SPOCK3: variants seen among roughly 807,000 people sequenced by gnomAD.
SPOCK3 encodes the protein testican-3.
In SPOCK3, 30 loss-of-function variants were observed where a neutral mutation model predicts 56.6. The ratio of observed to expected loss-of-function variants is 0.53; its 90% CI spans 0.40 to 0.72. SPOCK3 has a LOEUF of 0.72. SPOCK3 is among the 30% of genes least tolerant of loss of function. The probability of loss-of-function intolerance (pLI) is 0.00; values close to 1 mark genes in which losing one functional copy is unlikely to be tolerated. For missense variants in SPOCK3, 527 were observed against 530.0 expected, an observed-to-expected ratio of 0.99 and a Z score of 0.06; for synonymous variants, 196 against 183.3, an observed-to-expected ratio of 1.07 and a Z score of -0.56.
chr4:167,039,497 GTA>G (rs1340970202), intron 3 of SPOCK3, among the ~76,000 whole-genome samples: 2 of 152,088 alleles, frequency 1.3e-5, no homozygotes, highest in African/African-American at 4.8e-5. Context: ...TTATATATGT[GTA>G]TGTGTGTGTG....
intron 2 of SPOCK3, among the ~76,000 whole-genome samples, chr4:167,109,302 A>C (rs1244799688): frequency 1.1e-5 from 1 of 87,372 alleles, no homozygotes; most frequent in Non-Finnish European, 2.0e-5. Flanking sequence ...ATAAATAATA[A>C]TTATTAATAT....
chr4:166,801,465 T>G (rs1424339313), intron 6 of SPOCK3, among the ~76,000 whole-genome samples: 1 of 151,680 alleles, frequency 6.6e-6, no homozygotes, highest in Non-Finnish European at 1.5e-5. Flanking sequence ...ACAATAAATA[T>G]TGTGTCAAGA....
intron 4 of SPOCK3, among the ~76,000 whole-genome samples, chr4:166,925,136 G>T (rs1006622943): frequency 6.6e-6 from 1 of 152,030 alleles, no homozygotes; most frequent in African/African-American, 2.4e-5. Context: ...TATAGAACAG[G>T]CAATACATAA....
chr4:166,746,594 C>A (rs1051698243), intron 8 of SPOCK3, among the ~76,000 whole-genome samples: 2 of 152,090 alleles, frequency 1.3e-5, no homozygotes, highest in Non-Finnish European at 2.9e-5. Flanking sequence ...CAAGAGCAAA[C>A]ACATTCAAAA....
chr4:167,185,636 C>T (rs971567494), intron 2 of SPOCK3, among the ~76,000 whole-genome samples: 51 of 152,154 alleles, frequency 3.4e-4, no homozygotes, highest in African/African-American at 1.2e-3. Context: ...AAAATACAGT[C>T]GTCGGTGAAG....
Position 167,110,169 on chromosome 4 carries a change from T to A in SPOCK3, c.190-47632A>T, listed in dbSNP as rs186425405. On this transcript the variant is annotated intron_variant, in intron 2 of 10. Coordinates refer to ENST00000357545, the MANE Select transcript of SPOCK3 (RefSeq NM_001040159.2). The stretch of plus-strand genomic sequence containing the variant: ...ATCGTTTGTGATCTCTCATCTCAAG[T>A]GGGAGCTTAATGGTACCCAACACCC... 2.0e-5 allele frequency among the ~76,000 whole-genome samples: 3 copies of A among 152,148 alleles called. No individual in the cohort carries two copies. The East Asian group carries it at 5.8e-4, about 29-fold the overall frequency.
intron 4 of SPOCK3, among the ~76,000 whole-genome samples, chr4:166,974,169 A>G (rs1019071240): frequency 2.6e-5 from 4 of 152,180 alleles, no homozygotes; most frequent in Non-Finnish European, 5.9e-5. Context: ...AAATTTTTAA[A>G]TAGGTAAGAT....
At chr4:166,900,167 T>C (rs1473868253) in intron 5 of SPOCK3, among the ~76,000 whole-genome samples, 1 of 152,192 alleles carries the variant, frequency 6.6e-6, no homozygotes, top group Non-Finnish European at 1.5e-5. Flanking sequence ...TCTGACAGCA[T>C]CACTGTACCG....
chr4:166,958,373 CT>C (rs892097813), intron 4 of SPOCK3, among the ~76,000 whole-genome samples: 3 of 152,142 alleles, frequency 2.0e-5, no homozygotes, highest in Non-Finnish European at 4.4e-5. Context: ...GCCAATTAAC[CT>C]TTTTTTCTTA....
intron 4 of SPOCK3, among the ~76,000 whole-genome samples, chr4:166,962,044 C>G (rs1744200333): frequency 6.6e-6 from 1 of 152,120 alleles, no homozygotes; most frequent in Admixed American, 6.5e-5. Flanking sequence ...TGTCCCCCTT[C>G]CTTCTTCAAA....
At position 166,807,905 on chromosome 4, in the gene SPOCK3, C is replaced by T. The variant is rs557569672; in HGVS notation, c.590-15616G>A. 2.7e-4 allele frequency among the ~76,000 whole-genome samples: 41 copies of T among 152,220 alleles called. No individual in the cohort carries two copies. The South Asian group carries it at 8.3e-3, about 31-fold the overall frequency. On this transcript the variant is annotated intron_variant, in intron 6 of 10. Transcript: ENST00000357545. ...TTTCTTGAGATTTTTCTTCTCTATA[C>T]TAGTTTTGATAGCATGTCAATGACA... is the stretch of plus-strand genomic sequence containing the variant.
intron 4 of SPOCK3, among the ~76,000 whole-genome samples, chr4:166,986,399 C>T (rs576695352): frequency 1.3e-5 from 2 of 152,178 alleles, no homozygotes; most frequent in East Asian, 3.9e-4. Context: ...TGATGGGACT[C>T]CCAATGATAT....
intron 3 of SPOCK3, among the ~76,000 whole-genome samples, chr4:167,009,921 T>A (rs2703845): frequency 6.6e-6 from 1 of 151,960 alleles, no homozygotes; most frequent in African/African-American, 2.4e-5. Flanking sequence ...TAAAACAGAC[T>A]TTCTAGAAAT....
chr4:167,056,124 G>A (rs1754820871), intron 3 of SPOCK3, among the ~76,000 whole-genome samples: 1 of 152,184 alleles, frequency 6.6e-6, no homozygotes, highest in East Asian at 1.9e-4. Context: ...GGAACGATCA[G>A]ACAGCAGCAT....
chr4:166,882,369 C>T (rs1733769184), intron 6 of SPOCK3, among the ~76,000 whole-genome samples: 1 of 152,168 alleles, frequency 6.6e-6, no homozygotes, highest in Admixed American at 6.6e-5. Flanking sequence ...TTTCTGATTT[C>T]ATCTTCTGGC....
chr4:167,051,877 T>C (rs1754240558), intron 3 of SPOCK3, among the ~76,000 whole-genome samples: 1 of 152,216 alleles, frequency 6.6e-6, no homozygotes, highest in Non-Finnish European at 1.5e-5. Context: ...GTGAAGAATA[T>C]TGTTTCTTAA....
At chr4:166,930,791 C>T (rs1311595998) in intron 4 of SPOCK3, among the ~76,000 whole-genome samples, 1 of 152,118 alleles carries the variant, frequency 6.6e-6, no homozygotes, top group Non-Finnish European at 1.5e-5. Flanking sequence ...CAGAATATTA[C>T]ATTTTTAATA....
intron 4 of SPOCK3, among the ~76,000 whole-genome samples, chr4:166,999,273 A>T (rs1748709061): frequency 6.6e-6 from 1 of 152,188 alleles, no homozygotes; most frequent in African/African-American, 2.4e-5. Context: ...TGGTTCTAGA[A>T]ATCTGCCACT....
At chr4:166,992,978 C>T (rs143198113) in intron 4 of SPOCK3, among the ~76,000 whole-genome samples, 2,756 of 152,214 alleles carry the variant, frequency 0.018, 31 homozygotes, top group South Asian at 0.023. Context: ...ATAGTGCACC[C>T]TTTTTGTGGC....
Sources: gnomAD v4.1 joint callset for allele counts (sites outside exome capture counted in the v4.1 genomes callset) on GRCh38, gnomAD v4.1.1 for gene constraint, MANE v1.5 for transcripts, NCBI Gene and HGNC (gene_info 2026-07-23, HGNC 2026-07-21) for gene names.